The following SPATC1 variants were observed in gnomAD, a reference collection of about 807,000 sequenced individuals.
The protein encoded by SPATC1 is speriolin.
A neutral mutation model predicts 36.5 loss-of-function variants in SPATC1; 35 were observed. The observed-to-expected ratio is 0.96, with a 90% CI of 0.73 to 1.27. The LOEUF is 1.27. Among genes scored for constraint, SPATC1 ranks in the 50% most tolerant of loss-of-function variants. The pLI is 0.00. For missense variants in SPATC1, 779 were observed against 796.0 expected (o/e 0.98, Z 0.26); for synonymous variants, 361 against 353.6 (o/e 1.02, Z -0.24).
At position 144,012,329 on chromosome 8, in the gene SPATC1, G is replaced by A. The variant is rs1186686589; in HGVS notation, c.-187G>A. On this transcript the variant is annotated 5_prime_UTR_variant, in exon 1 of 5. Transcript: ENST00000377470. ...GTGTACAGGCCTGGTGGCATGGAGA[G>A]CTGAGGGTGTTAGAGCAGAGAGGGC... The A allele has an allele frequency of 5.0e-6, 3 of 605,092 alleles. No individual in the cohort carries two copies. The African/African-American group carries it at 5.6e-5, about 11-fold the overall frequency. The allele number at this position is 605,092 out of a possible 1,614,324, so 37.5% of individuals were successfully genotyped here.
chr8:144,035,058 C>CCT (rs1834870721), intron 1 of SPATC1, among the ~76,000 whole-genome samples: 3 of 152,170 alleles, frequency 2.0e-5, no homozygotes, highest in African/African-American at 7.2e-5. Flanking sequence ...TACATTTGAA[C>CCT]ATTTCATGAT....
chr8:144,032,982 C>T (rs1834827863), intron 1 of SPATC1, among the ~76,000 whole-genome samples: 1 of 151,182 alleles, frequency 6.6e-6, no homozygotes, highest in Admixed American at 6.6e-5. Context: ...CCACAACAAG[C>T]AGCAATAGCA....
Position 144,042,315 on chromosome 8 carries a change from T to A in SPATC1, c.1446+944T>A, listed in dbSNP as rs1489778200. On this transcript the variant is annotated intron_variant, in intron 4 of 4. Transcript: ENST00000377470. The stretch of plus-strand genomic sequence containing the variant: ...TATATATATATATATATATATATTT[T>A]TTTTTTTTTTTTTTTTTTTTTGAGT... 3.5e-3 allele frequency among the ~76,000 whole-genome samples: 274 copies of A among 79,022 alleles called. 1 individual carries two copies. Among genetic ancestry groups the A allele is most frequent in the African/African-American group, 6.3e-3 (83 of 13,224 alleles). 51.8% of individuals were successfully genotyped at this position (79,022 alleles called of 152,430 possible).
chr8:144,040,917 A>C lies in SPATC1; in HGVS notation c.1116A>C (p.Pro372=). 1.3e-6 allele frequency: 2 copies of C among 1,563,480 alleles called. No homozygotes were observed. The highest frequency in any genetic ancestry group is 8.6e-7 in the Non-Finnish European group (1 of 1,157,124). ...CCCCTTCCCGAATGCATAATTCCCC[A>C]ACCCAGAACCTGCCTGTCCCCCACT... is the stretch of plus-strand genomic sequence containing the variant. ...PHPPSRMHNS[P]TQNLPVPHCP... is the part of the protein sequence containing the mutation. Residue 372 remains proline, a synonymous_variant, in exon 3 of 5, where the codon CCA becomes CCC. Coordinates refer to ENST00000377470, the MANE Select transcript of SPATC1 (RefSeq NM_198572.3).
chr8:144,042,311 A>ATATATATATTT (rs1412021347), intron 4 of SPATC1, among the ~76,000 whole-genome samples: 7 of 23,882 alleles, frequency 2.9e-4, no homozygotes, highest in Non-Finnish European at 4.4e-4. Flanking sequence ...ATATATATAT[A>ATATATATATTT]TTTTTTTTTT....
upstream of SPATC1, among the ~76,000 whole-genome samples, chr8:144,012,184 A>T (rs1251609030): frequency 1.3e-5 from 2 of 152,128 alleles, no homozygotes; most frequent in African/African-American, 4.8e-5. Flanking sequence ...TGCTGGGGAA[A>T]CCCAGCGGGC....
At chr8:144,023,438 T>C (rs1358932656) in intron 1 of SPATC1, among the ~76,000 whole-genome samples, 8 of 56,266 alleles carry the variant, frequency 1.4e-4, no homozygotes, top group African/African-American at 1.8e-4. Flanking sequence ...GGACCCTCTT[T>C]TCTAAGGACC....
rs1554755612 is a variant in SPATC1, at chr8:144,040,366, G to A, written c.669G>A (p.Leu223=). 1.9e-6 allele frequency: 3 copies of A among 1,612,630 alleles called. No individual in the cohort carries two copies. Among genetic ancestry groups the A allele is most frequent in the Admixed American group, 3.3e-5 (2 of 60,010 alleles). ...LLANPMSNLV[L]PEAPRLRLAE... Reference sequence around the variant, plus strand: ...CCAACCCCATGAGCAACCTGGTCCTGCCAGAGGCCCCAAGGCTGCGGCTGG... The same window carrying A: ...CCAACCCCATGAGCAACCTGGTCCTACCAGAGGCCCCAAGGCTGCGGCTGG... The change falls in exon 2 of 5, where the codon CTG becomes CTA. Residue 223 remains leucine (L), a synonymous_variant. Transcript: ENST00000377470.
intron 1 of SPATC1, among the ~76,000 whole-genome samples, chr8:144,018,098 G>A (rs955324794): frequency 1.4e-4 from 21 of 152,184 alleles, no homozygotes; most frequent in African/African-American, 5.1e-4. Context: ...GTTGACAAAG[G>A]AGCATGCAGA....
intron 1 of SPATC1, among the ~76,000 whole-genome samples, chr8:144,027,992 A>G (rs973557675): frequency 6.7e-6 from 1 of 150,206 alleles, no homozygotes; most frequent in Admixed American, 6.6e-5. Flanking sequence ...GACTCTATCA[A>G]AAAAAAAAAG....
intron 1 of SPATC1, among the ~76,000 whole-genome samples, chr8:144,026,624 T>C (rs986316657): frequency 6.6e-6 from 1 of 152,208 alleles, no homozygotes. Context: ...TATCATCTGA[T>C]GTTTTAAAAT....
chr8:144,042,010 A>G, intron 4 of SPATC1: 1 of 985,148 alleles, frequency 1.0e-6, no homozygotes, highest in Non-Finnish European at 1.2e-6. Context: ...TCACCTGCCC[A>G]GGGTGAGCTG....
At position 144,045,204 on chromosome 8, in the gene SPATC1, A is replaced by C. The variant is rs11986960; in HGVS notation, c.1447-1423A>C. On this transcript the variant is annotated intron_variant, in intron 4 of 4. Coordinates refer to ENST00000377470, the MANE Select transcript of SPATC1 (RefSeq NM_198572.3). The surrounding 1 kb of genome is among the most constrained non-coding windows in gnomAD (Gnocchi z 5.2). ...GGCCCTCACTCTTGCGCTGAACCTC[A>C]ATGGTGTCTTCCTGCCCCCCACAAC... Among the ~76,000 whole-genome samples the C allele has an allele frequency of 6.6e-6, 1 of 152,112 alleles. No individual in the cohort carries two copies. Among genetic ancestry groups the C allele is most frequent in the African/African-American group, 2.4e-5 (1 of 41,376 alleles).
At position 144,045,825 on chromosome 8, in the gene SPATC1, C is replaced by T. The variant is rs1835244470; in HGVS notation, c.1447-802C>T. 6.6e-6 allele frequency among the ~76,000 whole-genome samples: 1 copy of T among 152,232 alleles called. No homozygotes were observed. Among genetic ancestry groups the T allele is most frequent in the Admixed American group, 6.5e-5 (1 of 15,290 alleles). The stretch of plus-strand genomic sequence containing the variant: ...TGCCAACAGCGCATTGAGCTGGGCA[C>T]TGGGCTTCCCACAACTGCCCAGGTC... On this transcript the variant is annotated intron_variant, in intron 4 of 4. Transcript: ENST00000377470. The surrounding 1 kb of genome is among the most constrained non-coding windows in gnomAD (Gnocchi z 5.2).
In SPATC1 at chr8:144,041,020, A is replaced by G; in HGVS notation, c.1219A>G (p.Thr407Ala). 1.2e-6 allele frequency: 2 copies of G among 1,611,462 alleles called. No homozygotes were observed. The highest frequency in any genetic ancestry group is 1.1e-5 in the South Asian group (1 of 90,874). Residue 407 changes from threonine to alanine, a missense_variant, in exon 3 of 5, where the codon ACC (threonine) becomes GCC (alanine). Transcript: ENST00000377470. The stretch of plus-strand genomic sequence containing the variant: ...AGTCAATGACTCTCGAGGTCCACGC[A>G]CCACAGAACCGTCGACGAAGAGCAT... ...ASVNDSRGPR[T>A]TEPSTKSMME... is the part of the protein sequence containing the mutation.
chr8:144,042,101 T>C (rs1421075114), intron 4 of SPATC1: 1 of 746,484 alleles, frequency 1.3e-6, no homozygotes, highest in African/African-American at 1.9e-5. Flanking sequence ...ACAGTGTATG[T>C]ACCCAGCTCA....
intron 1 of SPATC1, among the ~76,000 whole-genome samples, chr8:144,038,600 G>A (rs1044292590): frequency 2.2e-4 from 34 of 151,700 alleles, no homozygotes; most frequent in Admixed American, 2.0e-4. Context: ...TCAGCCTCCC[G>A]AGTAGCTGGG....
chr8:144,044,304 ATTT>A (rs72275831), intron 4 of SPATC1, among the ~76,000 whole-genome samples: 2 of 141,676 alleles, frequency 1.4e-5, no homozygotes, highest in African/African-American at 2.7e-5. Flanking sequence ...CCTTGAAGGA[ATTT>A]TTTTTTTTTT....
rs1313905895 is a variant in SPATC1 at position 144,016,619 on chromosome 8, GTT to G, written c.211+3895_211+3896del. Reference sequence around the variant, plus strand: ...ACTGATGGTTTTTGTTTGTTTGTTTGTTTGTTTTTTTGTTTGTTTGTTTTTGA... The same window carrying G: ...ACTGATGGTTTTTGTTTGTTTGTTTGTGTTTTTTTGTTTGTTTGTTTTTGA... On this transcript the variant is annotated intron_variant, in intron 1 of 4. Transcript: ENST00000377470. The surrounding 1 kb of genome is among the most constrained non-coding windows in gnomAD (Gnocchi z 4.5). 1.3e-5 allele frequency among the ~76,000 whole-genome samples: 2 copies of G among 151,814 alleles called. No homozygotes were observed. Among genetic ancestry groups the G allele is most frequent in the Non-Finnish European group, 2.9e-5 (2 of 67,942 alleles).
Sources: gnomAD v4.1 joint callset for allele counts (sites outside exome capture counted in the v4.1 genomes callset) on GRCh38, gnomAD v4.1.1 for gene constraint, Gnocchi (gnomAD v3.1) non-coding constraint, MANE v1.5 for transcripts, NCBI Gene and HGNC (gene_info 2026-07-23, HGNC 2026-07-21) for gene names.